The following RAPGEF2 variants were observed in gnomAD, a reference collection of about 807,000 sequenced individuals.
RAPGEF2 encodes PDZ domain containing guanine nucleotide exchange factor (GEF) 1.
RAPGEF2 carries 54 observed loss-of-function variants against 186.7 expected under a neutral mutation model. The observed-to-expected ratio is 0.29, with a 90% CI of 0.23 to 0.36. RAPGEF2 has a LOEUF of 0.36. Ranked by LOEUF, RAPGEF2 falls within the 10% of genes least tolerant of loss-of-function variation. The probability of loss-of-function intolerance (pLI) is 1.00; values close to 1 mark genes in which losing one functional copy is unlikely to be tolerated. For missense variants in RAPGEF2, 1,532 were observed against 2,045.0 expected (o/e 0.75, Z 4.84); for synonymous variants, 712 against 705.9 (o/e 1.01, Z -0.14).
At chr4:159,246,747 A>C (rs547204328) in intron 7 of RAPGEF2, among the ~76,000 whole-genome samples, 24 of 152,262 alleles carry the variant, frequency 1.6e-4, no homozygotes, top group African/African-American at 5.3e-4. Context: ...TACTCATATC[A>C]TGTCTTTGCT....
At chr4:159,176,762 A>G (rs1490816031) in intron 1 of RAPGEF2, among the ~76,000 whole-genome samples, 2 of 152,224 alleles carry the variant, frequency 1.3e-5, no homozygotes, top group Non-Finnish European at 2.9e-5. Flanking sequence ...ATTTTAAACA[A>G]TGTTAAGAGT....
At position 159,282,920 on chromosome 4, in the gene RAPGEF2, C is replaced by A. The variant is rs530689012; in HGVS notation, c.544-21422C>A. On this transcript the variant is annotated intron_variant, in intron 7 of 29. Coordinates refer to ENST00000691494, the MANE Select transcript of RAPGEF2 (RefSeq NM_001394067.2). The stretch of plus-strand genomic sequence containing the variant: ...CCAGGATGTGGGAGTTCTATACTTC[C>A]TATAACTGCACATACTGCTGTATCT... 2.6e-5 allele frequency among the ~76,000 whole-genome samples: 4 copies of A among 152,216 alleles called. No individual in the cohort carries two copies. In the South Asian group the frequency reaches 8.3e-4, roughly 32 times the overall value.
At chr4:159,334,654 C>T (rs1767153231) in intron 17 of RAPGEF2, among the ~76,000 whole-genome samples, 1 of 152,048 alleles carries the variant, frequency 6.6e-6, no homozygotes, top group Non-Finnish European at 1.5e-5. Context: ...ATGACCTTGG[C>T]AAGTATAAAT....
chr4:159,227,508 C>G (rs1752166477), intron 4 of RAPGEF2, among the ~76,000 whole-genome samples: 1 of 152,142 alleles, frequency 6.6e-6, no homozygotes, highest in Non-Finnish European at 1.5e-5. Flanking sequence ...TGGACCATAA[C>G]TTTTATACAA....
intron 1 of RAPGEF2, among the ~76,000 whole-genome samples, chr4:159,152,150 C>T (rs538048128): frequency 1.3e-5 from 2 of 152,150 alleles, no homozygotes; most frequent in African/African-American, 4.8e-5. Context: ...GGCAAAACCT[C>T]GTCTCTACAA....
intron 7 of RAPGEF2, among the ~76,000 whole-genome samples, chr4:159,256,197 A>T (rs917930374): frequency 6.6e-6 from 1 of 152,150 alleles, no homozygotes; most frequent in Non-Finnish European, 1.5e-5. Context: ...CCCATGTATT[A>T]GCTTTATGTA....
intron 29 of RAPGEF2, 85 bp downstream of exon 29, chr4:159,356,243 A>G: frequency 7.4e-7 from 1 of 1,351,676 alleles, no homozygotes; most frequent in Non-Finnish European, 1.0e-6. Flanking sequence ...TTCTCTTAAC[A>G]CTGCAGTCAG....
intron 1 of RAPGEF2, among the ~76,000 whole-genome samples, chr4:159,148,070 CTG>C (rs1561012396): frequency 6.6e-6 from 1 of 151,864 alleles, no homozygotes; most frequent in Non-Finnish European, 1.5e-5. Context: ...AAGCTAAGAA[CTG>C]TTTTGTTTTT....
intron 25 of RAPGEF2, among the ~76,000 whole-genome samples, chr4:159,349,121 A>G (rs1730816618): frequency 6.6e-6 from 1 of 152,218 alleles, no homozygotes; most frequent in South Asian, 2.1e-4. Context: ...AAAACTACCC[A>G]TTCAATTAGC....
At chr4:159,173,746 C>G (rs1424069449) in intron 1 of RAPGEF2, among the ~76,000 whole-genome samples, 1 of 152,022 alleles carries the variant, frequency 6.6e-6, no homozygotes, top group Non-Finnish European at 1.5e-5. Flanking sequence ...TGTGTGTATA[C>G]GCAGCTGATT....
At chr4:159,137,736 A>G (rs1435416712) in intron 1 of RAPGEF2, among the ~76,000 whole-genome samples, 1 of 151,434 alleles carries the variant, frequency 6.6e-6, no homozygotes, top group African/African-American at 2.4e-5. Context: ...ACCTGCAAAG[A>G]TTTAAACTTA....
intron 4 of RAPGEF2, chr4:159,229,370 CTG>C (rs1752377957): frequency 6.6e-6 from 1 of 152,186 alleles, no homozygotes; most frequent in Non-Finnish European, 1.5e-5. Flanking sequence ...CTTCTATGCT[CTG>C]TGACTGCCTT....
chr4:159,206,095 A>AT (rs1198880644), intron 3 of RAPGEF2, among the ~76,000 whole-genome samples: 3 of 151,660 alleles, frequency 2.0e-5, no homozygotes, highest in African/African-American at 4.8e-5. Context: ...TGCCCGGCTA[A>AT]TTTTTTTTGC....
intron 1 of RAPGEF2, among the ~76,000 whole-genome samples, chr4:159,174,714 T>G (rs1746274708): frequency 6.6e-6 from 1 of 152,090 alleles, no homozygotes; most frequent in Non-Finnish European, 1.5e-5. Context: ...ACTTGAGTCT[T>G]TATAATTTAC....
At chr4:159,149,255 GTTTA>G (rs559875584) in intron 1 of RAPGEF2, among the ~76,000 whole-genome samples, 2 of 152,144 alleles carry the variant, frequency 1.3e-5, no homozygotes, top group South Asian at 4.1e-4. Context: ...TAGTTTTTTT[GTTTA>G]TTTGTTTGTT....
At chr4:159,165,738 G>A (rs576170404) in intron 1 of RAPGEF2, among the ~76,000 whole-genome samples, 1 of 152,002 alleles carries the variant, frequency 6.6e-6, no homozygotes, top group Admixed American at 6.6e-5. Context: ...GACTACAGGC[G>A]CCTACCCCAA....
At chr4:159,136,052 C>T (rs1741687463) in intron 1 of RAPGEF2, among the ~76,000 whole-genome samples, 1 of 152,134 alleles carries the variant, frequency 6.6e-6, no homozygotes, top group Non-Finnish European at 1.5e-5. Context: ...GAATCAATAC[C>T]ATTAACTGCA....
intron 8 of RAPGEF2, among the ~76,000 whole-genome samples, chr4:159,306,134 C>T (rs569509357): frequency 7.2e-6 from 1 of 138,466 alleles, no homozygotes; most frequent in African/African-American, 2.5e-5. Flanking sequence ...TACGTATGAA[C>T]TTTAGGATTT....
intron 11 of RAPGEF2, among the ~76,000 whole-genome samples, chr4:159,325,438 T>TA (rs943366173): frequency 8.6e-5 from 13 of 151,482 alleles, no homozygotes; most frequent in South Asian, 2.1e-4. Flanking sequence ...ATTGTACTCT[T>TA]AAAAAAAAAC....
Sources: allele counts gnomAD v4.1 joint callset (sites outside exome capture counted in the v4.1 genomes callset), GRCh38; gene constraint gnomAD v4.1.1; transcripts MANE v1.5; gene names NCBI Gene and HGNC (gene_info 2026-07-23, HGNC 2026-07-21).